The following DNAJC2 variants were observed in gnomAD, a reference collection of about 807,000 sequenced individuals.
DNAJC2 encodes the protein dnaJ homolog subfamily C member 2.
DNAJC2 carries 32 observed loss-of-function variants against 94.0 expected under a neutral mutation model. The observed-to-expected ratio is 0.34, with a 90% CI of 0.26 to 0.46. The LOEUF is 0.46. Among genes scored for constraint, DNAJC2 ranks in the 20% least tolerant of loss-of-function variants. DNAJC2 has a pLI of 1.00. For missense variants in DNAJC2, 550 were observed against 719.5 expected (o/e 0.76, Z 2.69); for synonymous variants, 210 against 229.7 (o/e 0.91, Z 0.77).
At chr7:103,321,460 G>T (rs1376303772) in intron 10 of DNAJC2, among the ~76,000 whole-genome samples, 2 of 151,850 alleles carry the variant, frequency 1.3e-5, no homozygotes, top group African/African-American at 4.8e-5. Flanking sequence ...GGGGGTTGCA[G>T]TGAGCCAAAA....
intron 10 of DNAJC2, 147 bp from the exon 11 acceptor site, chr7:103,319,991 G>A (rs974963529): frequency 4.5e-5 from 33 of 730,734 alleles, no homozygotes; most frequent in Non-Finnish European, 6.7e-5. Context: ...CTGAGATCAC[G>A]CCACTGCACT....
Position 103,325,139 on chromosome 7 carries a change from C to G in DNAJC2, c.573-577G>C, listed in dbSNP as rs117373230. ...AATATACTACTACTTTTTACCACCT[C>G]AGCACTGCTATAAAACAAACGTGGC... On this transcript the variant is annotated intron_variant, in intron 5 of 16. Transcript: ENST00000379263. Among the ~76,000 whole-genome samples, 33 of 152,256 alleles carry G rather than the reference C, an allele frequency of 2.2e-4. No homozygotes were observed. In the East Asian group the frequency reaches 4.8e-3, roughly 22 times the overall value.
intron 13 of DNAJC2, chr7:103,316,514 T>A (rs556245759): frequency 5.7e-5 from 15 of 262,926 alleles, no homozygotes; most frequent in Non-Finnish European, 1.1e-4. Flanking sequence ...AGAGCAAGAC[T>A]GTAAAAGAAA....
chr7:103,330,112 G>T (rs183663586), intron 3 of DNAJC2, among the ~76,000 whole-genome samples: 42 of 152,270 alleles, frequency 2.8e-4, no homozygotes, highest in African/African-American at 8.2e-4. Flanking sequence ...CGGAATGGGT[G>T]TTAAACTGTA....
chr7:103,316,900 T>G lies in DNAJC2; in HGVS notation c.1357A>C (p.Asn453His). ...STGGGGNGSK[N>H]WSEDDLQLLI... ...AATTGTAGATCATCTTCTGACCAAT[T>G]TTTACTTCCATTTCCACCTCCACCA... Residue 453 changes from asparagine to histidine, a missense_variant, in exon 13 of 17, where the codon AAT becomes CAT. By Grantham distance (68) the Asn-to-His change is moderately conservative. Transcript: ENST00000379263. The G allele has an allele frequency of 6.2e-7, 1 of 1,614,052 alleles. No individual in the cohort carries two copies. Among genetic ancestry groups the G allele is most frequent in the Non-Finnish European group, 8.5e-7 (1 of 1,179,996 alleles).
At chr7:103,341,682 GT>G (rs1819378728) in intron 2 of DNAJC2, 81 bp downstream of exon 2, 1 of 1,167,502 alleles carries the variant, frequency 8.6e-7, no homozygotes, top group African/African-American at 1.5e-5. Context: ...CTTAAAACAT[GT>G]TTATTAATGG....
At chr7:103,322,921 C>T in intron 7 of DNAJC2, 127 bp from the exon 8 acceptor site, 2 of 760,308 alleles carry the variant, frequency 2.6e-6, no homozygotes, top group Non-Finnish European at 2.1e-6. Flanking sequence ...TCATTACTAA[C>T]ATTAAACAAT....
intron 9 of DNAJC2, 134 bp downstream of exon 9, chr7:103,322,377 A>G (rs1047501505): frequency 2.9e-5 from 28 of 968,880 alleles, no homozygotes; most frequent in Non-Finnish European, 2.7e-5. Flanking sequence ...CCAACTGGTC[A>G]TGATTCATTC....
chr7:103,338,993 A>G (rs1819281476), intron 2 of DNAJC2, among the ~76,000 whole-genome samples: 1 of 152,152 alleles, frequency 6.6e-6, no homozygotes, highest in South Asian at 2.1e-4. Context: ...TGTATGCACA[A>G]AGGCCTAAGA....
At chr7:103,318,285 C>A (rs1012745741) in intron 12 of DNAJC2, among the ~76,000 whole-genome samples, 2 of 152,152 alleles carry the variant, frequency 1.3e-5, no homozygotes, top group Non-Finnish European at 2.9e-5. Context: ...CTAACCTCAG[C>A]CTCCTGAGAA....
Position 103,344,551 on chromosome 7 carries a change from G to A in DNAJC2, c.64+8C>T, listed in dbSNP as rs201589069. ...GTGAGAAGGAACCGAGGTTGGGTGG[G>A]CACTTACCAGAGGTCAGAGCGTGGG... On this transcript the variant is annotated splice_region_variant and intron_variant, in intron 1 of 16. Coordinates refer to ENST00000379263, the MANE Select transcript of DNAJC2 (RefSeq NM_014377.3). 42 of 1,613,606 alleles carry A rather than the reference G, an allele frequency of 2.6e-5. No homozygotes were observed. The highest frequency in any genetic ancestry group is 3.6e-5 in the Non-Finnish European group (42 of 1,179,968).
At chr7:103,327,337 T>G in intron 4 of DNAJC2, 1 of 1,287,118 alleles carries the variant, frequency 7.8e-7, no homozygotes, top group Non-Finnish European at 1.0e-6. Context: ...CTTACATGAA[T>G]TAACTGTAGG....
At chr7:103,318,833 C>A (rs6947744) in intron 12 of DNAJC2, among the ~76,000 whole-genome samples, 133,123 of 152,266 alleles carry the variant, frequency 0.87, 58,464 homozygotes, top group African/African-American at 0.92. Context: ...AAAAGCTATG[C>A]TTGTGATAGA....
rs1411116965 is a variant in DNAJC2 at position 103,324,580 on chromosome 7, A to G, written c.573-18T>C. On this transcript the variant is annotated intron_variant, in intron 5 of 16. Transcript: ENST00000379263. ...TTGACCATCTGAAATATCAAAGGAA[A>G]TATTCTTACAATTCTTCAAAAATTA... 7.0e-7 allele frequency: 1 copy of G among 1,438,636 alleles called. No individual in the cohort carries two copies. The highest frequency in any genetic ancestry group is 9.3e-7 in the Non-Finnish European group (1 of 1,073,936). The allele number at this position is 1,438,636 out of a possible 1,614,324, so 89.1% of individuals were successfully genotyped here. A position where few individuals can be genotyped will look rare whatever the true frequency, so the allele number is the denominator to read the frequency against.
At chr7:103,317,036 G>A (rs1818102623) in intron 12 of DNAJC2, 22 bp from the exon 13 acceptor site, 2 of 1,599,670 alleles carry the variant, frequency 1.3e-6, no homozygotes. Context: ...TCATAAGTCA[G>A]GGACTTAGAA....
chr7:103,337,429 A>G (rs1435904586), intron 3 of DNAJC2: 1 of 231,116 alleles, frequency 4.3e-6, no homozygotes, highest in African/African-American at 2.3e-5. Context: ...TGCAGCTGCT[A>G]TACTTCTAAA....
chr7:103,343,558 CA>C lies in DNAJC2; in HGVS notation c.64+1000del, dbSNP rs142024801. Among the ~76,000 whole-genome samples, 574 of 152,306 alleles carry C rather than the reference CA, an allele frequency of 3.8e-3. 4 individuals are homozygous for C. Among genetic ancestry groups the C allele is most frequent in the African/African-American group, 0.014 (565 of 41,572 alleles). On this transcript the variant is annotated intron_variant, in intron 1 of 16. Transcript: ENST00000379263. ...AAATGGGAACAATACCTATTTATCT[CA>C]TTCAGTTCCTAGGAAGCTTGAATGA...
chr7:103,338,857 C>G (rs988313164), intron 2 of DNAJC2, among the ~76,000 whole-genome samples: 8 of 151,944 alleles, frequency 5.3e-5, no homozygotes, highest in African/African-American at 1.9e-4. Context: ...TTGCAGTGGG[C>G]CAAGACTGCG....
Position 103,322,580 on chromosome 7 carries a change from T to G in DNAJC2, c.864A>C (p.Lys288Asn). The change falls in exon 9 of 17, where the codon AAA (lysine) becomes AAC (asparagine). Residue 288 changes from lysine (K) to asparagine (N), a missense_variant. Coordinates refer to ENST00000379263, the MANE Select transcript of DNAJC2 (RefSeq NM_014377.3). ...CTTTCTTTTCTGCTTCTTTCTTGGC[T>G]TTTTCTTCTTCCTTGAACTTTTTTA... ...PRIKKFKEEEKAKKEAEKKAK... is the reference protein window; with the variant it reads ...PRIKKFKEEENAKKEAEKKAK... 6.2e-7 allele frequency: 1 copy of G among 1,607,658 alleles called. No individual in the cohort carries two copies.
Sources: allele counts gnomAD v4.1 joint callset (sites outside exome capture counted in the v4.1 genomes callset), GRCh38; gene constraint gnomAD v4.1.1; transcripts MANE v1.5; gene names NCBI Gene and HGNC (gene_info 2026-07-23, HGNC 2026-07-21).